ADAMTS12: variants seen among roughly 807,000 people sequenced by gnomAD.
ADAMTS12 encodes A disintegrin and metalloproteinase with thrombospondin motifs 12.
Under a neutral mutation model 167.8 loss-of-function variants are expected in ADAMTS12, and 118 were observed. The ratio of observed to expected loss-of-function variants is 0.70; its 90% confidence interval spans 0.61 to 0.82. ADAMTS12 has a LOEUF of 0.82. Among genes scored for constraint, ADAMTS12 ranks in the 40% least tolerant of loss-of-function variants. The probability of loss-of-function intolerance (pLI) is 0.00; values close to 1 mark genes in which losing one functional copy is unlikely to be tolerated. For missense variants in ADAMTS12, 1,916 were observed against 1,998.8 expected, an observed-to-expected ratio of 0.96 and a Z score of 0.79; for synonymous variants, 704 against 716.9, an observed-to-expected ratio of 0.98 and a Z score of 0.29.
At chr5:33,711,457 C>T (rs1488093911) in intron 3 of ADAMTS12, among the ~76,000 whole-genome samples, 1 of 152,026 alleles carries the variant, frequency 6.6e-6, no homozygotes, top group Non-Finnish European at 1.5e-5. Context: ...AATTAAAGGC[C>T]TTGTAGGGCT....
chr5:33,838,048 G>A (rs997743735), intron 2 of ADAMTS12, among the ~76,000 whole-genome samples: 1 of 152,128 alleles, frequency 6.6e-6, no homozygotes, highest in African/African-American at 2.4e-5. Flanking sequence ...GAATAGCACT[G>A]TGTTTTAATT....
intron 3 of ADAMTS12, among the ~76,000 whole-genome samples, chr5:33,733,050 C>G (rs1744246483): frequency 6.6e-6 from 1 of 151,336 alleles, no homozygotes; most frequent in African/African-American, 2.4e-5. Context: ...TCCAATATAA[C>G]ACTAAATTAT....
intron 14 of ADAMTS12, among the ~76,000 whole-genome samples, chr5:33,623,630 GCTAGGTGGAGGAGCTGT>G (rs1343458847): frequency 6.6e-6 from 1 of 152,232 alleles, no homozygotes; most frequent in Non-Finnish European, 1.5e-5. Context: ...AGAAGGGGAT[GCTAGGTGGAGGAGCTGT>G]CTGGAAATTC....
At chr5:33,751,772 C>T (rs1744990835) in intron 2 of ADAMTS12, among the ~76,000 whole-genome samples, 1 of 152,162 alleles carries the variant, frequency 6.6e-6, no homozygotes. Context: ...CCATTTGTGA[C>T]CTTATTGAAA....
At chr5:33,778,587 T>G (rs2112437359) in intron 2 of ADAMTS12, among the ~76,000 whole-genome samples, 1 of 151,100 alleles carries the variant, frequency 6.6e-6, no homozygotes, top group East Asian at 1.9e-4. Flanking sequence ...GGGAGAAAAC[T>G]TATTGACATT....
rs1191443625 is a variant in ADAMTS12 at position 33,834,381 on chromosome 5, T to C, written c.489+46738A>G. Among the ~76,000 whole-genome samples, 3 of 152,200 alleles carry C rather than the reference T, an allele frequency of 2.0e-5. 1 individual carries two copies. The East Asian group carries it at 5.8e-4, about 29-fold the overall frequency. ...AGTTTCATGAGTGTTTCAAATATTC[T>C]ACAATAAGATGTATTATTTTCATAT... On this transcript the variant is annotated intron_variant, in intron 2 of 23. Transcript: ENST00000504830.
chr5:33,810,006 T>G (rs1347077229), intron 2 of ADAMTS12, among the ~76,000 whole-genome samples: 1 of 139,224 alleles, frequency 7.2e-6, no homozygotes, highest in Admixed American at 7.2e-5. Context: ...AAAAAACAGA[T>G]TAGAAGCACT....
In ADAMTS12 at chr5:33,549,294, G is replaced by A. The variant is rs1210551999; in HGVS notation, c.4215C>T (p.Cys1405=). 1 of 1,614,202 alleles carries A rather than the reference G, an allele frequency of 6.2e-7. No homozygotes were observed. Among genetic ancestry groups the A allele is most frequent in the Admixed American group, 1.7e-5 (1 of 60,028 alleles). The change falls in exon 21 of 24, where the codon TGC becomes TGT. Residue 1405 remains cysteine, a synonymous_variant. Coordinates refer to ENST00000504830, the MANE Select transcript of ADAMTS12 (RefSeq NM_030955.4). ...RDHRNLRPFH[C]QFLAGIPPPL... ...GGGGAGGAATGCCGGCCAGGAACTGGCAGTGAAATGGCCTCAGGTTCCGGT... is the reference window on the plus strand; with the variant it reads ...GGGGAGGAATGCCGGCCAGGAACTGACAGTGAAATGGCCTCAGGTTCCGGT...
intron 23 of ADAMTS12, among the ~76,000 whole-genome samples, chr5:33,528,503 G>T (rs1055459503): frequency 7.9e-5 from 12 of 152,234 alleles, no homozygotes; most frequent in African/African-American, 2.7e-4. Context: ...TATTGCTATG[G>T]AAATAGTTGA....
intron 2 of ADAMTS12, among the ~76,000 whole-genome samples, chr5:33,777,769 G>A (rs1194312405): frequency 6.6e-6 from 1 of 151,680 alleles, no homozygotes; most frequent in Non-Finnish European, 1.5e-5. Context: ...CTTCTATATA[G>A]AAAATCCTAA....
chr5:33,717,681 C>T (rs1743662707), intron 3 of ADAMTS12, among the ~76,000 whole-genome samples: 1 of 152,112 alleles, frequency 6.6e-6, no homozygotes. Context: ...ATCTTGATAT[C>T]TTTATTATTT....
At chr5:33,557,788 C>G (rs370146666) in intron 20 of ADAMTS12, among the ~76,000 whole-genome samples, 6 of 152,278 alleles carry the variant, frequency 3.9e-5, no homozygotes, top group Non-Finnish European at 7.4e-5. Context: ...GAGCATCGGG[C>G]GAGCAAGCAA....
Position 33,738,655 on chromosome 5 carries a change from C to T in ADAMTS12, c.634+12749G>A, listed in dbSNP as rs143402227. The stretch of plus-strand genomic sequence containing the variant: ...GCAATGCCTGTCTTCTGCACATCAA[C>T]ATCAGTGCCATGGGAAACTCGCTAT... On this transcript the variant is annotated intron_variant, in intron 3 of 23. Coordinates refer to ENST00000504830, the MANE Select transcript of ADAMTS12 (RefSeq NM_030955.4). Among the ~76,000 whole-genome samples the T allele has an allele frequency of 4.6e-5, 7 of 152,334 alleles. No individual in the cohort carries two copies. In the East Asian group the frequency reaches 1.2e-3, roughly 25 times the overall value.
intron 19 of ADAMTS12, among the ~76,000 whole-genome samples, chr5:33,563,622 G>T (rs761824776): frequency 2.2e-4 from 33 of 152,172 alleles, no homozygotes; most frequent in Non-Finnish European, 3.5e-4. Context: ...AAATTATGCT[G>T]TCACTTCTAT....
intron 2 of ADAMTS12, among the ~76,000 whole-genome samples, chr5:33,801,870 G>A (rs1412370535): frequency 6.6e-6 from 1 of 152,194 alleles, no homozygotes; most frequent in African/African-American, 2.4e-5. Flanking sequence ...ACTTATTAAA[G>A]TGGAGCTTTC....
intron 3 of ADAMTS12, among the ~76,000 whole-genome samples, chr5:33,685,462 C>T (rs1327810969): frequency 6.6e-6 from 1 of 152,218 alleles, no homozygotes; most frequent in East Asian, 1.9e-4. Flanking sequence ...TCCCTTGGTA[C>T]TCTCTAGGCT....
chr5:33,645,719 T>A (rs975126931), intron 9 of ADAMTS12, among the ~76,000 whole-genome samples: 2 of 152,166 alleles, frequency 1.3e-5, no homozygotes, highest in Non-Finnish European at 2.9e-5. Context: ...AAATAAAAAG[T>A]TATAACATGG....
chr5:33,567,697 C>T (rs1746082080), intron 19 of ADAMTS12, among the ~76,000 whole-genome samples: 1 of 152,042 alleles, frequency 6.6e-6, no homozygotes. Flanking sequence ...GACAATTTGC[C>T]CAGGTGAACT....
chr5:33,574,726 A>T (rs1579689218), intron 19 of ADAMTS12, among the ~76,000 whole-genome samples: 1 of 152,146 alleles, frequency 6.6e-6, no homozygotes, highest in East Asian at 1.9e-4. Flanking sequence ...GTGCACATGT[A>T]CCCTAAAACT....
Sources: allele counts gnomAD v4.1 joint callset (sites outside exome capture counted in the v4.1 genomes callset), GRCh38; gene constraint gnomAD v4.1.1; transcripts MANE v1.5; gene names NCBI Gene and HGNC (gene_info 2026-07-23, HGNC 2026-07-21).